Variants in JARID2 observed in about 807,000 individuals in gnomAD.
The protein encoded by JARID2 is protein Jumonji.
A neutral mutation model predicts 125.6 loss-of-function variants in JARID2; 21 were observed. The ratio of observed to expected loss-of-function variants is 0.17; its 90% CI spans 0.12 to 0.24. The LOEUF (loss-of-function observed/expected upper bound fraction) is 0.24. Ranked by LOEUF, JARID2 falls within the 10% of genes least tolerant of loss-of-function variation. The pLI is 1.00. For missense variants in JARID2, 1,303 were observed against 1,639.6 expected (o/e 0.79, Z 3.55); for synonymous variants, 736 against 661.6 (o/e 1.11, Z -1.73).
chr6:15,508,823 A>T, intron 12 of JARID2: 1 of 517,478 alleles, frequency 1.9e-6, no homozygotes, highest in Non-Finnish European at 3.0e-6. Flanking sequence ...TTTCTTGTGG[A>T]TTTCCAAGAG....
intron 1 of JARID2, among the ~76,000 whole-genome samples, chr6:15,301,870 ACTT>A (rs1197059042): frequency 2.6e-5 from 4 of 152,164 alleles, no homozygotes; most frequent in Admixed American, 2.0e-4. Flanking sequence ...AAAGAGAACT[ACTT>A]TTCTGGAGCA....
chr6:15,509,246 T>C (rs1257608229), intron 12 of JARID2: 1 of 1,205,212 alleles, frequency 8.3e-7, no homozygotes, highest in African/African-American at 1.6e-5. Context: ...GGGAAATGAC[T>C]ACAAATAATC....
At chr6:15,402,356 T>C (rs992210422) in intron 2 of JARID2, among the ~76,000 whole-genome samples, 1 of 152,192 alleles carries the variant, frequency 6.6e-6, no homozygotes, top group Admixed American at 6.5e-5. Flanking sequence ...GATAGGAAGC[T>C]TTAGAGACCT....
chr6:15,477,004 CATGTGT>C (rs1021507564), intron 5 of JARID2, among the ~76,000 whole-genome samples: 2 of 152,162 alleles, frequency 1.3e-5, no homozygotes, highest in African/African-American at 4.8e-5. Context: ...AGGTCAGCTG[CATGTGT>C]ATCTTTTAAA....
Position 15,447,567 on chromosome 6 carries a change from A to G in JARID2, c.324-4439A>G, listed in dbSNP as rs191079597. 1.1e-3 allele frequency among the ~76,000 whole-genome samples: 171 copies of G among 152,154 alleles called. 4 individuals carry two copies. Among genetic ancestry groups the G allele is most frequent in the Non-Finnish European group, 2.4e-4 (16 of 68,008 alleles). On this transcript the variant is annotated intron_variant, in intron 3 of 17. Transcript: ENST00000341776. ...AAACATTTATGTTTTTACCTCTTCA[A>G]CCCCAGGAACCCCGTGCTCTCTCCA...
chr6:15,275,950 G>A (rs914376307), intron 1 of JARID2, among the ~76,000 whole-genome samples: 1 of 152,154 alleles, frequency 6.6e-6, no homozygotes, highest in Non-Finnish European at 1.5e-5. Context: ...GTTAACAATT[G>A]CTATGGTGTG....
At chr6:15,440,209 CAT>C (rs2127616484) in intron 3 of JARID2, among the ~76,000 whole-genome samples, 1 of 152,346 alleles carries the variant, frequency 6.6e-6, no homozygotes, top group African/African-American at 2.4e-5. Flanking sequence ...CCGCTGTCTA[CAT>C]ATGTGACCTC....
intron 3 of JARID2, among the ~76,000 whole-genome samples, chr6:15,425,055 T>A (rs1241621553): frequency 6.6e-6 from 1 of 152,196 alleles, no homozygotes; most frequent in Non-Finnish European, 1.5e-5. Flanking sequence ...CAGAAGACTA[T>A]ACTTGTCTGG....
intron 2 of JARID2, among the ~76,000 whole-genome samples, chr6:15,390,830 C>T (rs1764973042): frequency 6.6e-6 from 1 of 152,188 alleles, no homozygotes; most frequent in Admixed American, 6.5e-5. Flanking sequence ...GTTGAAGGAT[C>T]ACACTGTCAT....
intron 1 of JARID2, among the ~76,000 whole-genome samples, chr6:15,313,166 T>C (rs527982213): frequency 6.6e-6 from 1 of 152,266 alleles, no homozygotes; most frequent in South Asian, 2.1e-4. Context: ...CCTGATCTCC[T>C]TTTGATGGTT....
At chr6:15,499,543 G>A (rs1770628973) in intron 7 of JARID2, among the ~76,000 whole-genome samples, 1 of 152,136 alleles carries the variant, frequency 6.6e-6, no homozygotes, top group African/African-American at 2.4e-5. Flanking sequence ...ACTTGTTTTG[G>A]TTGGGGGACT....
chr6:15,421,621 A>C (rs1041817580), intron 3 of JARID2, among the ~76,000 whole-genome samples: 1 of 152,208 alleles, frequency 6.6e-6, no homozygotes, highest in African/African-American at 2.4e-5. Flanking sequence ...TATTGTGCTA[A>C]AAATTTTTAC....
intron 1 of JARID2, among the ~76,000 whole-genome samples, chr6:15,355,715 G>A (rs921294906): frequency 1.2e-4 from 18 of 151,914 alleles, no homozygotes; most frequent in Admixed American, 1.0e-3. Context: ...AGGCTGAAAC[G>A]ATTCTCGTGC....
chr6:15,407,024 C>G (rs1019448483), intron 2 of JARID2, among the ~76,000 whole-genome samples: 2 of 151,288 alleles, frequency 1.3e-5, no homozygotes, highest in Non-Finnish European at 2.9e-5. Flanking sequence ...TTTGGGAGGT[C>G]GAAATGGGCG....
chr6:15,428,891 G>A lies in JARID2; in HGVS notation c.323+18526G>A, dbSNP rs987446567. Among the ~76,000 whole-genome samples the A allele has an allele frequency of 8.9e-5, 13 of 145,976 alleles. No individual in the cohort carries two copies. The East Asian group carries it at 2.7e-3, about 30-fold the overall frequency. ...ACTGCACTCCAACCTGGGGGACACA[G>A]CGAGACTCTGTCTCAAAAAAACAAC... On this transcript the variant is annotated intron_variant, in intron 3 of 17. Coordinates refer to ENST00000341776, the MANE Select transcript of JARID2 (RefSeq NM_004973.4).
At chr6:15,427,111 C>A (rs1444327838) in intron 3 of JARID2, among the ~76,000 whole-genome samples, 1 of 152,098 alleles carries the variant, frequency 6.6e-6, no homozygotes, top group African/African-American at 2.4e-5. Flanking sequence ...TTAACAAGTT[C>A]CTGTTCCTGC....
At chr6:15,458,573 CTT>C (rs1467204387) in intron 4 of JARID2, among the ~76,000 whole-genome samples, 2 of 152,144 alleles carry the variant, frequency 1.3e-5, no homozygotes, top group East Asian at 1.9e-4. Context: ...TTATTAAACT[CTT>C]TTTGTATGCT....
chr6:15,518,682 ATGT>A (rs1294612988), intron 17 of JARID2, among the ~76,000 whole-genome samples: 1 of 152,140 alleles, frequency 6.6e-6, no homozygotes, highest in African/African-American at 2.4e-5. Context: ...GGGTTTTACC[ATGT>A]TGGTCAGGCT....
chr6:15,314,716 G>A (rs1762123932), intron 1 of JARID2, among the ~76,000 whole-genome samples: 1 of 152,190 alleles, frequency 6.6e-6, no homozygotes, highest in African/African-American at 2.4e-5. Flanking sequence ...GTACATAGAT[G>A]CCAGAGGTAG....
Sources: gnomAD v4.1 joint callset for allele counts (sites outside exome capture counted in the v4.1 genomes callset) on GRCh38, gnomAD v4.1.1 for gene constraint, MANE v1.5 for transcripts, NCBI Gene and HGNC (gene_info 2026-07-23, HGNC 2026-07-21) for gene names.